Variants in COL10A1 observed in about 807,000 individuals in gnomAD.
The protein encoded by COL10A1 is collagen type X alpha 1 chain.
Under a neutral mutation model 18.2 loss-of-function variants are expected in COL10A1, and 10 were observed. The ratio of observed to expected loss-of-function variants is 0.55; its 90% CI spans 0.34 to 0.93. The LOEUF (loss-of-function observed/expected upper bound fraction) is 0.93. COL10A1 is among the 40% of genes least tolerant of loss of function. The probability of loss-of-function intolerance (pLI) is 0.02; values close to 1 mark genes in which losing one functional copy is unlikely to be tolerated. For synonymous variants in COL10A1, 330 were observed against 316.6 expected, an observed-to-expected ratio of 1.04 and a Z score of -0.45; for missense variants, 897 against 853.5, an observed-to-expected ratio of 1.05 and a Z score of -0.64.
At position 116,125,451 on chromosome 6, in the gene COL10A1, G is replaced by A. The variant is rs1779270124; in HGVS notation, c.42C>T (p.Asn14=). 6.2e-7 allele frequency: 1 copy of A among 1,613,770 alleles called. No individual in the cohort carries two copies. The highest frequency in any genetic ancestry group is 1.7e-5 in the Admixed American group (1 of 60,000). The part of the protein sequence containing the change: ...QIPFLLLVSL[N]LVHGVFYAER... ...CAGCGTAAAACACTCCATGAACCAAGTTCAAGGATACTAGCAGCAAAAAGG... is the reference window on the plus strand; with the variant it reads ...CAGCGTAAAACACTCCATGAACCAAATTCAAGGATACTAGCAGCAAAAAGG... Residue 14 remains asparagine, a synonymous_variant, in exon 2 of 3, where the codon AAC becomes AAT. Transcript: ENST00000651968.
At chr6:116,210,071 G>A in the COL10A1 span, among the ~76,000 whole-genome samples, 1 of 151,898 alleles carries the variant, frequency 6.6e-6, no homozygotes, top group Non-Finnish European at 1.5e-5. Flanking sequence ...ATATGACAAG[G>A]TTGAAGGGTG....
the COL10A1 span, among the ~76,000 whole-genome samples, chr6:116,182,594 G>A: frequency 6.6e-6 from 1 of 151,886 alleles, no homozygotes; most frequent in Non-Finnish European, 1.5e-5. Flanking sequence ...GGAGTAAGGT[G>A]GTATCACATT....
chr6:116,129,507 G>A (rs1295521946), upstream of COL10A1, among the ~76,000 whole-genome samples: 2 of 152,126 alleles, frequency 1.3e-5, no homozygotes, highest in Non-Finnish European at 2.9e-5. Context: ...TGTGAGAGTG[G>A]GCTTTATATA....
the COL10A1 span, among the ~76,000 whole-genome samples, chr6:116,178,332 TA>T: frequency 3.9e-5 from 6 of 152,152 alleles, no homozygotes; most frequent in Non-Finnish European, 8.8e-5. Flanking sequence ...GGTATGGCCA[TA>T]AGCCCTAGGA....
At chr6:116,177,483 A>G in the COL10A1 span, among the ~76,000 whole-genome samples, 1 of 152,194 alleles carries the variant, frequency 6.6e-6, no homozygotes, top group Non-Finnish European at 1.5e-5. Flanking sequence ...TCTTCTCTTT[A>G]ATGATATAAA....
chr6:116,172,421 A>G, the COL10A1 span, among the ~76,000 whole-genome samples: 1 of 147,046 alleles, frequency 6.8e-6, no homozygotes, highest in East Asian at 2.0e-4. Flanking sequence ...TCCCGGGTTC[A>G]GGCAATTCTC....
chr6:116,162,691 G>A (rs1202766204), upstream of COL10A1, among the ~76,000 whole-genome samples: 1 of 152,092 alleles, frequency 6.6e-6, no homozygotes, highest in Non-Finnish European at 1.5e-5. Flanking sequence ...TTTTGTTGAG[G>A]ACTTTTGCAT....
In COL10A1 at chr6:116,126,089, A is replaced by G. The variant is rs1415854145; in HGVS notation, c.-52T>C. On this transcript the variant is annotated 5_prime_UTR_variant, in exon 1 of 3. Transcript: ENST00000651968. ...GAGTTCCTGGAGATGGTGCCTTGGC[A>G]GCTTTCTGAAGCTTCCTCTGCCCAG... 1 of 154,766 alleles carries G rather than the reference A, an allele frequency of 6.5e-6. No individual in the cohort carries two copies. Among genetic ancestry groups the G allele is most frequent in the African/African-American group, 2.4e-5 (1 of 41,476 alleles). 9.6% of individuals were successfully genotyped at this position (154,766 alleles called of 1,614,324 possible).
the COL10A1 span, among the ~76,000 whole-genome samples, chr6:116,201,300 A>G: frequency 6.6e-6 from 1 of 152,074 alleles, no homozygotes; most frequent in Non-Finnish European, 1.5e-5. Context: ...ATTGGAAGTC[A>G]TTCCCACCAC....
At position 116,135,834 on chromosome 6, in the gene COL10A1, GATATATATATATATATATATATATATAT is replaced by G. The variant is rs199827970; in HGVS notation, c.-15-10355_-15-10328del. Reference sequence around the variant, plus strand: ...ATTTATGGTATACAATATATTTTCAGATATATATATATATATATATATATATATATATATATATACACACATACACACA... The same window carrying G: ...ATTTATGGTATACAATATATTTTCAGATATATATATACACACATACACACA... On this transcript the variant is annotated intron_variant, in intron 1 of 1. Coordinates refer to the COL10A1 transcript ENST00000418500. Among the ~76,000 whole-genome samples, 2,435 of 102,364 alleles carry G rather than the reference GATATATATATATATATATATATATATAT, an allele frequency of 0.024. 207 individuals carry two copies. In the East Asian group the frequency reaches 0.24, roughly 10 times the overall value. The allele number at this position is 102,364 out of a possible 152,430, so 67.2% of individuals were successfully genotyped here.
upstream of COL10A1, among the ~76,000 whole-genome samples, chr6:116,161,308 T>A (rs1020935515): frequency 6.6e-6 from 1 of 151,690 alleles, no homozygotes; most frequent in African/African-American, 2.4e-5. Flanking sequence ...AACCTGCACA[T>A]TGTGCACATG....
At chr6:116,197,569 A>G in the COL10A1 span, among the ~76,000 whole-genome samples, 1 of 152,172 alleles carries the variant, frequency 6.6e-6, no homozygotes, top group African/African-American at 2.4e-5. Flanking sequence ...GTGCAGATAG[A>G]AGACAGTATA....
chr6:116,174,873 C>T, the COL10A1 span, among the ~76,000 whole-genome samples: 5 of 152,078 alleles, frequency 3.3e-5, no homozygotes, highest in Non-Finnish European at 1.5e-5. Context: ...CTACATAAGC[C>T]ATTTTAGGAT....
the COL10A1 span, among the ~76,000 whole-genome samples, chr6:116,166,071 T>C: frequency 1.3e-5 from 2 of 151,990 alleles, no homozygotes; most frequent in East Asian, 3.9e-4. Flanking sequence ...TCCCTGACAA[T>C]TTGGCAGTCA....
chr6:116,186,714 G>C, the COL10A1 span, among the ~76,000 whole-genome samples: 1 of 151,974 alleles, frequency 6.6e-6, no homozygotes. Flanking sequence ...GTGTGTCCTT[G>C]ACTTCCAGAA....
At chr6:116,177,604 G>A in the COL10A1 span, among the ~76,000 whole-genome samples, 2 of 152,060 alleles carry the variant, frequency 1.3e-5, no homozygotes, top group African/African-American at 4.8e-5. Context: ...TTGCATTCAA[G>A]CCCTGTGTTT....
chr6:116,181,242 A>G, the COL10A1 span, among the ~76,000 whole-genome samples: 41,561 of 151,900 alleles, frequency 0.27, 6,192 homozygotes, highest in Middle Eastern at 0.36. Flanking sequence ...AGATAAATAA[A>G]TATAGTAAAC....
rs3812111 is a variant in COL10A1, at chr6:116,122,572, T to A, written c.155-611A>T. Among the ~76,000 whole-genome samples the A allele has an allele frequency of 0.47, 70,804 of 151,960 alleles. 18,498 individuals are homozygous for A. Among genetic ancestry groups the A allele is most frequent in the African/African-American group, 0.72 (29,647 of 41,444 alleles). ...GAGGTACATAAAATAGTATTAAAGT[T>A]CTTACCTAAATACAAATATATAGTG... On this transcript the variant is annotated intron_variant, in intron 2 of 2. Transcript: ENST00000651968.
Position 116,125,368 on chromosome 6 carries a change from A to T in COL10A1, c.125T>A (p.Phe42Tyr). ...ACTCTTTATGGTGTAGGGAATGAAGAACTGTGTCTTGGTGTTGGGTAGTGG... is the reference window on the plus strand; with the variant it reads ...ACTCTTTATGGTGTAGGGAATGAAGTACTGTGTCTTGGTGTTGGGTAGTGG... ...KGPLPNTKTQ[F>Y]FIPYTIKSKG... The change falls in exon 2 of 3, where the codon TTC becomes TAC. Residue 42 changes from phenylalanine to tyrosine, a missense_variant. Transcript: ENST00000651968. 1 of 1,613,738 alleles carries T rather than the reference A, an allele frequency of 6.2e-7. No homozygotes were observed.
Sources: gnomAD v4.1 joint callset for allele counts (sites outside exome capture counted in the v4.1 genomes callset) on GRCh38, gnomAD v4.1.1 for gene constraint, MANE v1.5 for transcripts, NCBI Gene and HGNC (gene_info 2026-07-23, HGNC 2026-07-21) for gene names.